The following ASIP variants were observed in gnomAD, a reference collection of about 807,000 sequenced individuals.
ASIP encodes agouti-signaling protein.
ASIP carries 11 observed loss-of-function variants against 10.3 expected under a neutral mutation model. The observed-to-expected ratio is 1.07, with a 90% CI of 0.68 to 1.78. ASIP has a LOEUF of 1.78. Ranked by LOEUF, ASIP falls within the 40% of genes most tolerant of loss-of-function variation. The pLI, the probability that ASIP is intolerant of heterozygous loss-of-function variation, is 0.00. For missense variants in ASIP, 180 were observed against 169.2 expected, an observed-to-expected ratio of 1.06 and a Z score of -0.35; for synonymous variants, 70 against 70.8, an observed-to-expected ratio of 0.99 and a Z score of 0.06.
chr20:34,214,121 A>AGT, intron 1 of ASIP: 1 of 1,134,162 alleles, frequency 8.8e-7, no homozygotes, highest in South Asian at 1.2e-5. Context: ...ACTGGTGGCC[A>AGT]TTCTCAGGTG....
chr20:34,248,456 T>C (rs970325378), intron 1 of ASIP, among the ~76,000 whole-genome samples: 5 of 152,198 alleles, frequency 3.3e-5, no homozygotes, highest in African/African-American at 1.2e-4. Flanking sequence ...CTGGAAATCA[T>C]TGTCTATTTT....
intron 1 of ASIP, chr20:34,214,211 A>C: frequency 7.5e-7 from 1 of 1,333,692 alleles, no homozygotes; most frequent in Non-Finnish European, 1.1e-6. Context: ...GAGATTTGAC[A>C]AATCTAGAAA....
At chr20:34,232,226 G>A (rs1233372278) in intron 1 of ASIP, among the ~76,000 whole-genome samples, 1 of 152,202 alleles carries the variant, frequency 6.6e-6, no homozygotes, top group Non-Finnish European at 1.5e-5. Context: ...GTTGCTTGCT[G>A]CAAAGACAAT....
chr20:34,262,744 T>G, intron 2 of ASIP, 88 bp from the exon 3 acceptor site: 2 of 1,479,666 alleles, frequency 1.4e-6, no homozygotes, highest in Non-Finnish European at 1.9e-6. Context: ...ACCTTGTGAC[T>G]TCCCAAGCCC....
intron 1 of ASIP, chr20:34,246,030 G>A: frequency 1.0e-6 from 1 of 967,222 alleles, no homozygotes; most frequent in Non-Finnish European, 1.7e-6. Flanking sequence ...CATGAATTAT[G>A]TCATCTGTAA....
chr20:34,252,898 C>T (rs2122637185), intron 1 of ASIP, among the ~76,000 whole-genome samples: 1 of 152,330 alleles, frequency 6.6e-6, no homozygotes, highest in East Asian at 1.9e-4. Context: ...TGCCTGCAAA[C>T]ATGTTAACAA....
chr20:34,205,327 A>G (rs1393314895), intron 1 of ASIP, among the ~76,000 whole-genome samples: 2 of 151,820 alleles, frequency 1.3e-5, no homozygotes, highest in East Asian at 3.9e-4. Context: ...TTGTGGTCTC[A>G]CTGGCTTCAG....
intron 1 of ASIP, among the ~76,000 whole-genome samples, chr20:34,205,565 G>C (rs1412028454): frequency 6.6e-6 from 1 of 150,474 alleles, no homozygotes; most frequent in Non-Finnish European, 1.5e-5. Flanking sequence ...GCGTGGAAGG[G>C]GACCCAAACG....
At chr20:34,215,645 A>T (rs2035003176) in intron 1 of ASIP, 2 of 1,466,378 alleles carry the variant, frequency 1.4e-6, no homozygotes, top group South Asian at 2.3e-5. Context: ...CCATGATATG[A>T]GCGTCTCCCT....
chr20:34,191,342 C>A (rs1003646569), upstream of ASIP, among the ~76,000 whole-genome samples: 1 of 152,172 alleles, frequency 6.6e-6, no homozygotes, highest in South Asian at 2.1e-4. Flanking sequence ...AACAATTCTA[C>A]GACCCTTTCT....
intron 1 of ASIP, among the ~76,000 whole-genome samples, chr20:34,242,540 T>C (rs918336842): frequency 5.3e-5 from 8 of 152,248 alleles, no homozygotes; most frequent in Non-Finnish European, 1.0e-4. Flanking sequence ...GCCAGTCATT[T>C]TGGGTTTTCT....
chr20:34,200,477 T>C (rs960411702), intron 1 of ASIP, among the ~76,000 whole-genome samples: 1 of 152,256 alleles, frequency 6.6e-6, no homozygotes, highest in African/African-American at 2.4e-5. Context: ...GTAAATATGA[T>C]CTGAGTGTCC....
At chr20:34,220,953 CTTTTTTTTT>C (rs10661983) in intron 1 of ASIP, among the ~76,000 whole-genome samples, 7 of 109,758 alleles carry the variant, frequency 6.4e-5, no homozygotes, top group African/African-American at 2.3e-4. Flanking sequence ...TTCTTTCCTT[CTTTTTTTTT>C]TTTTTTTTTT....
In ASIP at chr20:34,235,899, AAAGG is replaced by A. The variant is rs1241208934; in HGVS notation, c.-10-24438_-10-24435del. Among the ~76,000 whole-genome samples, 454 of 64,418 alleles carry A rather than the reference AAAGG, an allele frequency of 7.0e-3. 49 individuals carry two copies. The highest frequency in any genetic ancestry group is 0.05 in the African/African-American group (196 of 3,954). 42.3% of individuals were successfully genotyped at this position (64,418 alleles called of 152,430 possible). Reference sequence around the variant, plus strand: ...GAAGGAAGGAAGGAAGGAAGGAAGGAAAGGAAGGAAGGAAGGAAGGAAGGAAGGA... The same window carrying A: ...GAAGGAAGGAAGGAAGGAAGGAAGGAAAGGAAGGAAGGAAGGAAGGAAGGA... On this transcript the variant is annotated intron_variant, in intron 1 of 3. Transcript: ENST00000568305.
intron 1 of ASIP, 56 bp from the exon 2 acceptor site, chr20:34,260,309 G>C: frequency 6.6e-7 from 1 of 1,513,582 alleles, no homozygotes; most frequent in Non-Finnish European, 8.9e-7. Context: ...AAGCAGGAAG[G>C]CCTCTTACCA....
chr20:34,201,096 AGC>A (rs1273711817), intron 1 of ASIP, among the ~76,000 whole-genome samples: 1 of 149,470 alleles, frequency 6.7e-6, no homozygotes, highest in Non-Finnish European at 1.5e-5. Context: ...TTAAAAAGAA[AGC>A]TAAAAGTATA....
intron 1 of ASIP, among the ~76,000 whole-genome samples, chr20:34,198,998 G>A (rs1270757985): frequency 6.6e-6 from 1 of 151,908 alleles, no homozygotes; most frequent in Non-Finnish European, 1.5e-5. Context: ...ATTAAATTTT[G>A]CCTGTTTGGG....
At chr20:34,219,058 T>C (rs1178273417) in intron 1 of ASIP, among the ~76,000 whole-genome samples, 1 of 152,186 alleles carries the variant, frequency 6.6e-6, no homozygotes, top group Non-Finnish European at 1.5e-5. Flanking sequence ...ATGTACACTA[T>C]AGGCAGTTGT....
At chr20:34,192,304 T>G (rs898256140), upstream of ASIP, among the ~76,000 whole-genome samples, 16 of 152,154 alleles carry the variant, frequency 1.1e-4, no homozygotes, top group Admixed American at 8.5e-4. Context: ...GTGCTGGGAT[T>G]ACAGGCATGA....
Sources: gnomAD v4.1 joint callset for allele counts (sites outside exome capture counted in the v4.1 genomes callset) on GRCh38, gnomAD v4.1.1 for gene constraint, MANE v1.5 for transcripts, NCBI Gene and HGNC (gene_info 2026-07-23, HGNC 2026-07-21) for gene names.